The following HOMER2 variants were observed in gnomAD, a reference collection of about 807,000 sequenced individuals.
HOMER2 encodes homer protein homolog 2.
A neutral mutation model predicts 47.0 loss-of-function variants in HOMER2; 27 were observed. The ratio of observed to expected loss-of-function variants is 0.57; its 90% CI spans 0.42 to 0.79. The LOEUF (loss-of-function observed/expected upper bound fraction) is 0.79. Ranked by LOEUF, HOMER2 falls within the 30% of genes least tolerant of loss-of-function variation. HOMER2 has a pLI of 0.00. For synonymous variants in HOMER2, 161 were observed against 163.8 expected (o/e 0.98, Z 0.13); for missense variants, 443 against 435.0 (o/e 1.02, Z -0.16).
Position 82,849,950 on chromosome 15 carries a change from G to A in HOMER2, c.844-47C>T, listed in dbSNP as rs7164147. ...GGGTCTAGAAAACTGAGTGACGAGAGTCATCCTTCAAAACCTGCTACAGCT... is the reference window on the plus strand; with the variant it reads ...GGGTCTAGAAAACTGAGTGACGAGAATCATCCTTCAAAACCTGCTACAGCT... On this transcript the variant is annotated intron_variant, in intron 8 of 8. Coordinates refer to ENST00000450735, the MANE Select transcript of HOMER2 (RefSeq NM_004839.4). 8,009 of 1,582,130 alleles carry A rather than the reference G, an allele frequency of 5.1e-3. 216 individuals carry two copies. In the African/African-American group the frequency reaches 0.07, roughly 14 times the overall value.
At chr15:82,879,191 CCT>C (rs2052445177) in intron 2 of HOMER2, among the ~76,000 whole-genome samples, 1 of 152,088 alleles carries the variant, frequency 6.6e-6, no homozygotes, top group Admixed American at 6.5e-5. Context: ...GTCCATTTTC[CCT>C]CTGTTTCCTT....
At chr15:82,955,353 T>C (rs1176710059), upstream of HOMER2, among the ~76,000 whole-genome samples, 1 of 151,754 alleles carries the variant, frequency 6.6e-6, no homozygotes, top group African/African-American at 2.4e-5. Flanking sequence ...GTAGTTTTAG[T>C]AGAGATGGGG....
downstream of HOMER2, chr15:82,834,700 A>G (rs2051103399): frequency 6.6e-6 from 1 of 152,634 alleles, no homozygotes; most frequent in African/African-American, 2.4e-5. Context: ...TTAGGCACCA[A>G]GCACTACATA....
chr15:82,875,611 A>T (rs947108015), intron 2 of HOMER2, among the ~76,000 whole-genome samples: 2 of 152,216 alleles, frequency 1.3e-5, no homozygotes, highest in Non-Finnish European at 2.9e-5. Context: ...AAAAGGGGCA[A>T]CTTCAGAGAC....
chr15:82,850,667 G>A (rs1040192127), intron 8 of HOMER2, among the ~76,000 whole-genome samples: 9 of 152,208 alleles, frequency 5.9e-5, no homozygotes, highest in Non-Finnish European at 7.3e-5. Context: ...TACATGAAGC[G>A]CCGTGTGCAT....
chr15:82,870,926 C>A (rs2052155860), intron 3 of HOMER2, among the ~76,000 whole-genome samples: 2 of 152,208 alleles, frequency 1.3e-5, no homozygotes, highest in Non-Finnish European at 2.9e-5. Context: ...AAGATGGAAC[C>A]AAACTTAGAA....
chr15:82,952,135 G>A (rs1180405588), intron 1 of HOMER2: 3 of 758,060 alleles, frequency 4.0e-6, no homozygotes, highest in Non-Finnish European at 4.8e-6. Context: ...CATTTTGCTT[G>A]TAATAAATCC....
In HOMER2 at chr15:82,952,614, C is replaced by T; in HGVS notation, c.-79G>A. 2 of 1,073,186 alleles carry T rather than the reference C, an allele frequency of 1.9e-6. No homozygotes were observed. Among genetic ancestry groups the T allele is most frequent in the Middle Eastern group, 4.2e-4 (1 of 2,390 alleles). The allele number at this position is 1,073,186 out of a possible 1,614,324, so 66.5% of individuals were successfully genotyped here. On this transcript the variant is annotated 5_prime_UTR_variant, in exon 1 of 9. Transcript: ENST00000450735. ...GCCCGCTCGGCAGCCGCTCCCCGCGCGGCACATGCGGCGGCCCGTGCGCGC... is the reference window on the plus strand; with the variant it reads ...GCCCGCTCGGCAGCCGCTCCCCGCGTGGCACATGCGGCGGCCCGTGCGCGC...
chr15:82,884,658 A>G (rs1292017882), intron 2 of HOMER2, among the ~76,000 whole-genome samples: 1 of 75,942 alleles, frequency 1.3e-5, no homozygotes, highest in African/African-American at 7.7e-5. Flanking sequence ...CTTTGAAGCA[A>G]TTGTGAATGG....
chr15:82,957,404 C>T (rs550422519), upstream of HOMER2, among the ~76,000 whole-genome samples: 3 of 152,090 alleles, frequency 2.0e-5, no homozygotes, highest in South Asian at 6.2e-4. Context: ...AATGGTGGAA[C>T]TAGGGTGAAA....
intron 1 of HOMER2, among the ~76,000 whole-genome samples, chr15:82,961,328 T>C (rs1295191300): frequency 1.3e-5 from 2 of 152,230 alleles, no homozygotes; most frequent in African/African-American, 2.4e-5. Context: ...ACACTTCCCG[T>C]GCGCAGGTTG....
At chr15:82,932,126 A>C (rs1388940065) in intron 1 of HOMER2, among the ~76,000 whole-genome samples, 1 of 152,188 alleles carries the variant, frequency 6.6e-6, no homozygotes, top group Non-Finnish European at 1.5e-5. Context: ...CATATTATGG[A>C]AGACAGCCCA....
intron 1 of HOMER2, among the ~76,000 whole-genome samples, chr15:82,966,191 G>A (rs1417126236): frequency 2.0e-5 from 3 of 152,172 alleles, no homozygotes; most frequent in Non-Finnish European, 4.4e-5. Context: ...GTAAGCATAA[G>A]CTGAAGGGAG....
At chr15:82,855,468 G>C (rs2051554025) in intron 5 of HOMER2, among the ~76,000 whole-genome samples, 1 of 152,226 alleles carries the variant, frequency 6.6e-6, no homozygotes. Context: ...GAGTTTCATG[G>C]GTGGACCGGG....
chr15:82,866,069 T>C (rs2051955953), intron 3 of HOMER2, among the ~76,000 whole-genome samples: 1 of 152,130 alleles, frequency 6.6e-6, no homozygotes, highest in African/African-American at 2.4e-5. Flanking sequence ...AACTGACAGT[T>C]TGCACCGTGT....
intron 1 of HOMER2, among the ~76,000 whole-genome samples, chr15:82,976,324 A>G (rs1398925521): frequency 6.6e-6 from 1 of 151,878 alleles, no homozygotes; most frequent in East Asian, 1.9e-4. Flanking sequence ...TTTGAGACGG[A>G]GTCCGCTCTG....
intron 1 of HOMER2, among the ~76,000 whole-genome samples, chr15:82,904,391 G>GT (rs1454732653): frequency 6.6e-6 from 1 of 152,184 alleles, no homozygotes. Context: ...AACTCCAGAG[G>GT]GATCCAATCA....
chr15:82,983,825 C>T lies in HOMER2; in HGVS notation n.82+1962G>A, dbSNP rs28656253. The stretch of plus-strand genomic sequence containing the variant: ...CAGGCTGGTCTTGAACTCCTGACCT[C>T]AAGTGATCCGCCTGCCTCGGCCTCT... On this transcript the variant is annotated intron_variant and non_coding_transcript_variant, in intron 1 of 1. Coordinates refer to the HOMER2 transcript ENST00000500334. 8.9e-3 allele frequency among the ~76,000 whole-genome samples: 1,353 copies of T among 151,980 alleles called. 19 individuals are homozygous for T. The highest frequency in any genetic ancestry group is 0.028 in the African/African-American group (1,169 of 41,456).
chr15:82,851,491 G>A (rs888624535), intron 7 of HOMER2, among the ~76,000 whole-genome samples: 1 of 152,218 alleles, frequency 6.6e-6, no homozygotes, highest in Non-Finnish European at 1.5e-5. Context: ...TGGAGAAAGT[G>A]AGGCCTAGGG....
Sources: gnomAD v4.1 joint callset for allele counts (sites outside exome capture counted in the v4.1 genomes callset) on GRCh38, gnomAD v4.1.1 for gene constraint, MANE v1.5 for transcripts, NCBI Gene and HGNC (gene_info 2026-07-23, HGNC 2026-07-21) for gene names.